The following RNF180 variants were observed in gnomAD, a reference collection of about 807,000 sequenced individuals.
The protein encoded by RNF180 is ring finger protein 180, also known as E3 ubiquitin-protein ligase RNF180.
In RNF180, 38 loss-of-function variants were observed where a neutral mutation model predicts 59.2. The observed-to-expected ratio is 0.64, with a 90% CI of 0.50 to 0.84. The LOEUF (loss-of-function observed/expected upper bound fraction) is 0.84, where lower values mean the gene tolerates loss of function less well. Ranked by LOEUF, RNF180 falls within the 40% of genes least tolerant of loss-of-function variation. The probability of loss-of-function intolerance (pLI) is 0.00; values close to 1 mark genes in which losing one functional copy is unlikely to be tolerated. For missense variants in RNF180, 705 were observed against 700.9 expected, an observed-to-expected ratio of 1.01 and a Z score of -0.07; for synonymous variants, 262 against 240.3, an observed-to-expected ratio of 1.09 and a Z score of -0.84.
intron 5 of RNF180, among the ~76,000 whole-genome samples, chr5:64,273,934 TC>T (rs1561231895): frequency 6.6e-6 from 1 of 151,950 alleles, no homozygotes; most frequent in Non-Finnish European, 1.5e-5. Context: ...TTGGAATTGT[TC>T]CCACAGATTT....
chr5:64,330,975 ACTC>A (rs1744880944), intron 7 of RNF180, among the ~76,000 whole-genome samples: 1 of 152,054 alleles, frequency 6.6e-6, no homozygotes, highest in African/African-American at 2.4e-5. Flanking sequence ...AGAAATGCCT[ACTC>A]CTGCTGCCTG....
intron 5 of RNF180, among the ~76,000 whole-genome samples, chr5:64,307,389 TAGAG>T (rs1444828460): frequency 2.6e-5 from 4 of 151,548 alleles, no homozygotes; most frequent in Non-Finnish European, 5.9e-5. Flanking sequence ...AAATGTATAA[TAGAG>T]AAAGACAAAA....
chr5:64,277,096 C>G (rs1195167348), intron 5 of RNF180, among the ~76,000 whole-genome samples: 3 of 151,224 alleles, frequency 2.0e-5, no homozygotes, highest in South Asian at 2.1e-4. Flanking sequence ...TGTTTAAACC[C>G]TAATCCCCAA....
At chr5:64,267,818 A>G (rs776516140) in intron 5 of RNF180, among the ~76,000 whole-genome samples, 2 of 152,154 alleles carry the variant, frequency 1.3e-5, no homozygotes, top group African/African-American at 2.4e-5. Flanking sequence ...AGTCTTTGCA[A>G]TGATTAGTGT....
At chr5:64,182,829 T>C (rs1750677097) in intron 1 of RNF180, among the ~76,000 whole-genome samples, 1 of 152,216 alleles carries the variant, frequency 6.6e-6, no homozygotes, top group Non-Finnish European at 1.5e-5. Flanking sequence ...TAGTAATGTG[T>C]GCAGAGTCTT....
At chr5:64,230,872 G>C (rs1019203702) in intron 5 of RNF180, among the ~76,000 whole-genome samples, 1 of 152,068 alleles carries the variant, frequency 6.6e-6, no homozygotes, top group Non-Finnish European at 1.5e-5. Flanking sequence ...AGTTTTTCTT[G>C]GGGTTCTGAA....
At position 64,369,822 on chromosome 5, in the gene RNF180, A is replaced by G. The variant is rs1746598546; in HGVS notation, c.*8A>G. Reference sequence around the variant, plus strand: ...TTTTTCTTTCCGTTTTAGGAATTTCATACCTTACTACAATTGACCAATCAT... The same window carrying G: ...TTTTTCTTTCCGTTTTAGGAATTTCGTACCTTACTACAATTGACCAATCAT... On this transcript the variant is annotated 3_prime_UTR_variant, in exon 8 of 8. Transcript: ENST00000389100. 2.1e-6 allele frequency: 3 copies of G among 1,422,964 alleles called. No individual in the cohort carries two copies. The highest frequency in any genetic ancestry group is 1.4e-5 in the African/African-American group (1 of 69,416). 88.1% of individuals were successfully genotyped at this position (1,422,964 alleles called of 1,614,324 possible).
intron 2 of RNF180, among the ~76,000 whole-genome samples, chr5:64,207,868 T>C (rs1752099808): frequency 6.6e-6 from 1 of 152,134 alleles, no homozygotes; most frequent in Non-Finnish European, 1.5e-5. Context: ...TACATAGTCT[T>C]TTCCCTGTGG....
chr5:64,335,077 A>G (rs1745064709), intron 7 of RNF180, among the ~76,000 whole-genome samples: 1 of 151,630 alleles, frequency 6.6e-6, no homozygotes, highest in Non-Finnish European at 1.5e-5. Flanking sequence ...ATGATATCTC[A>G]TTGGGGTTTT....
At chr5:64,194,056 A>G (rs899800999) in intron 1 of RNF180, among the ~76,000 whole-genome samples, 7 of 152,138 alleles carry the variant, frequency 4.6e-5, no homozygotes, top group Admixed American at 2.0e-4. Flanking sequence ...CACAACGTGC[A>G]GGTTTGTTGC....
chr5:64,234,915 C>G (rs1442378271), intron 5 of RNF180, among the ~76,000 whole-genome samples: 1 of 151,966 alleles, frequency 6.6e-6, no homozygotes, highest in Non-Finnish European at 1.5e-5. Context: ...TCTTATTTTA[C>G]CTTAATTCTA....
At chr5:64,338,792 G>C (rs1745236315) in intron 7 of RNF180, among the ~76,000 whole-genome samples, 2 of 151,930 alleles carry the variant, frequency 1.3e-5, no homozygotes, top group Non-Finnish European at 2.9e-5. Flanking sequence ...GTTTAATTTT[G>C]TGGATGTTTT....
intron 5 of RNF180, among the ~76,000 whole-genome samples, chr5:64,290,492 T>C (rs1200370179): frequency 6.6e-6 from 1 of 152,236 alleles, no homozygotes; most frequent in African/African-American, 2.4e-5. Flanking sequence ...AGTCACCTAC[T>C]GTTACTTTGT....
intron 5 of RNF180, among the ~76,000 whole-genome samples, chr5:64,286,468 A>T (rs1742290668): frequency 6.6e-6 from 1 of 152,262 alleles, no homozygotes; most frequent in African/African-American, 2.4e-5. Flanking sequence ...AAAGGGGTAT[A>T]ATCATCAAAT....
At chr5:64,352,291 C>CTT (rs956008591) in intron 7 of RNF180, among the ~76,000 whole-genome samples, 3 of 151,892 alleles carry the variant, frequency 2.0e-5, no homozygotes, top group African/African-American at 7.3e-5. Context: ...ATTCTTCTCT[C>CTT]TTTTCTTCTT....
chr5:64,220,420 G>A (rs12520621), intron 5 of RNF180, among the ~76,000 whole-genome samples: 15,314 of 151,630 alleles, frequency 0.1, 876 homozygotes, highest in South Asian at 0.17. Flanking sequence ...ATTTTATTAT[G>A]TGATATTTTT....
At chr5:64,325,821 T>C (rs1382646107) in intron 6 of RNF180, among the ~76,000 whole-genome samples, 1 of 152,222 alleles carries the variant, frequency 6.6e-6, no homozygotes, top group Admixed American at 6.5e-5. Flanking sequence ...TACTACATCT[T>C]TCCCCCAAAC....
chr5:64,169,683 C>T (rs928496268), intron 1 of RNF180, among the ~76,000 whole-genome samples: 1 of 152,084 alleles, frequency 6.6e-6, no homozygotes, highest in African/African-American at 2.4e-5. Context: ...TCTATAATAC[C>T]GGAATTTATC....
intron 7 of RNF180, among the ~76,000 whole-genome samples, chr5:64,351,132 G>T (rs1373562392): frequency 5.9e-5 from 9 of 151,900 alleles, no homozygotes; most frequent in African/African-American, 2.2e-4. Context: ...CACATCCCTT[G>T]TAAGTTGGAT....
Sources: allele counts gnomAD v4.1 joint callset (sites outside exome capture counted in the v4.1 genomes callset), GRCh38; gene constraint gnomAD v4.1.1; transcripts MANE v1.5; gene names NCBI Gene and HGNC (gene_info 2026-07-23, HGNC 2026-07-21).